RBM47: variants seen among roughly 807,000 people sequenced by gnomAD.
The protein encoded by RBM47 is RNA binding motif protein 47, also known as RNA-binding protein 47.
In RBM47, 21 loss-of-function variants were observed where a neutral mutation model predicts 47.1. That is an observed-to-expected ratio of 0.45 (90% CI 0.32 to 0.64). The LOEUF (loss-of-function observed/expected upper bound fraction) is 0.64. RBM47 is among the 30% of genes least tolerant of loss of function. RBM47 has a pLI of 0.05. For synonymous variants in RBM47, 375 were observed against 361.7 expected (o/e 1.04, Z -0.42); for missense variants, 708 against 870.9 (o/e 0.81, Z 2.35).
At chr4:40,532,760 C>T (rs1727540456) in intron 2 of RBM47, among the ~76,000 whole-genome samples, 1 of 151,406 alleles carries the variant, frequency 6.6e-6, no homozygotes, top group African/African-American at 2.4e-5. Flanking sequence ...TTTTGAGACC[C>T]CCTTCAACTA....
intron 2 of RBM47, among the ~76,000 whole-genome samples, chr4:40,526,850 A>T (rs572651457): frequency 8.1e-6 from 1 of 123,030 alleles, no homozygotes; most frequent in Admixed American, 1.1e-4. Flanking sequence ...ACCATTAGCT[A>T]GAGGGCCACA....
At chr4:40,597,155 G>A (rs966815149) in intron 1 of RBM47, among the ~76,000 whole-genome samples, 1 of 152,142 alleles carries the variant, frequency 6.6e-6, no homozygotes, top group Non-Finnish European at 1.5e-5. Flanking sequence ...GGCTACTTGG[G>A]AGACTGAGGC....
intron 1 of RBM47, among the ~76,000 whole-genome samples, chr4:40,602,347 A>G (rs1033718560): frequency 6.6e-6 from 1 of 152,022 alleles, no homozygotes; most frequent in Non-Finnish European, 1.5e-5. Context: ...TATTACTTTT[A>G]GAGCCAAAAC....
At chr4:40,612,593 C>G (rs1430189590) in intron 1 of RBM47, among the ~76,000 whole-genome samples, 1 of 152,204 alleles carries the variant, frequency 6.6e-6, no homozygotes, top group Non-Finnish European at 1.5e-5. Flanking sequence ...TCTGCAGAAA[C>G]TAGGATGAGC....
intron 3 of RBM47, among the ~76,000 whole-genome samples, chr4:40,465,382 G>A (rs381645): frequency 0.68 from 102,650 of 151,680 alleles, 34,900 homozygotes; most frequent in Middle Eastern, 0.73. Context: ...TCAGCTCAGC[G>A]GGGCACTGTG....
chr4:40,577,780 A>G (rs930020120), intron 1 of RBM47, among the ~76,000 whole-genome samples: 7 of 152,152 alleles, frequency 4.6e-5, no homozygotes, highest in African/African-American at 1.7e-4. Flanking sequence ...ACTTCAGCAC[A>G]TATCTCAAGA....
chr4:40,538,320 T>C (rs1728173221), intron 2 of RBM47, among the ~76,000 whole-genome samples: 1 of 143,380 alleles, frequency 7.0e-6, no homozygotes, highest in South Asian at 2.1e-4. Flanking sequence ...TGCTCTTTTA[T>C]TGGTATTGTT....
At chr4:40,588,335 T>G (rs1733791044) in intron 1 of RBM47, among the ~76,000 whole-genome samples, 1 of 152,128 alleles carries the variant, frequency 6.6e-6, no homozygotes, top group South Asian at 2.1e-4. Context: ...CCTGGGCCAG[T>G]TTCCCTTTCA....
chr4:40,551,176 A>G (rs1289523065), intron 1 of RBM47, among the ~76,000 whole-genome samples: 2 of 152,192 alleles, frequency 1.3e-5, no homozygotes, highest in African/African-American at 4.8e-5. Flanking sequence ...GTATACACAC[A>G]TCACTATGGG....
rs117955140 is a variant in RBM47, at chr4:40,532,889, G to A, written c.-155+11533C>T. Among the ~76,000 whole-genome samples the A allele has an allele frequency of 2.2e-4, 34 of 152,114 alleles. No individual in the cohort carries two copies. In the East Asian group the frequency reaches 4.1e-3, roughly 18 times the overall value. ...CTATACCAGTAGCTTATAGCCTCTTGCAATCTGCAAAATTTTAGGGGTAGA... is the reference window on the plus strand; with the variant it reads ...CTATACCAGTAGCTTATAGCCTCTTACAATCTGCAAAATTTTAGGGGTAGA... On this transcript the variant is annotated intron_variant, in intron 2 of 6. Transcript: ENST00000295971.
intron 1 of RBM47, among the ~76,000 whole-genome samples, chr4:40,584,634 T>C (rs1733356813): frequency 6.6e-6 from 1 of 152,168 alleles, no homozygotes; most frequent in Non-Finnish European, 1.5e-5. Flanking sequence ...ATGTATTGCA[T>C]AAAATTTACA....
intron 1 of RBM47, among the ~76,000 whole-genome samples, chr4:40,581,454 A>AAATAAAT (rs1553904696): frequency 1.3e-5 from 2 of 148,328 alleles, no homozygotes; most frequent in Non-Finnish European, 3.0e-5. Context: ...ATAAATAAAT[A>AAATAAAT]AATAAATAAA....
At chr4:40,462,462 C>T (rs754824006) in intron 3 of RBM47, among the ~76,000 whole-genome samples, 24 of 152,274 alleles carry the variant, frequency 1.6e-4, no homozygotes, top group South Asian at 1.5e-3. Context: ...CCCACATGCA[C>T]GTTTTTTTCT....
chr4:40,555,430 T>G (rs1274270380), intron 1 of RBM47, among the ~76,000 whole-genome samples: 1 of 152,240 alleles, frequency 6.6e-6, no homozygotes. Flanking sequence ...TGTCTGAGTG[T>G]CCATTCGCTC....
intron 3 of RBM47, among the ~76,000 whole-genome samples, chr4:40,445,675 G>A (rs1286607653): frequency 1.3e-5 from 2 of 152,186 alleles, no homozygotes; most frequent in Non-Finnish European, 2.9e-5. Context: ...TGCTTCAAAA[G>A]GGTCATACAC....
At chr4:40,434,005 GTGTGTGTGTGTGT>G (rs1711852972) in intron 5 of RBM47, among the ~76,000 whole-genome samples, 2 of 66,004 alleles carry the variant, frequency 3.0e-5, no homozygotes, top group Non-Finnish European at 5.7e-5. Context: ...GGGCGGGGGT[GTGTGTGTGTGTGT>G]GTGTGTGTGT....
At chr4:40,599,189 C>T (rs149766025) in intron 1 of RBM47, among the ~76,000 whole-genome samples, 1,489 of 141,166 alleles carry the variant, frequency 0.011, 33 homozygotes, top group African/African-American at 0.037. Context: ...ACCCAGGAGG[C>T]GGAGGTTGCA....
At chr4:40,629,075 C>T (rs1371713456) in intron 1 of RBM47, among the ~76,000 whole-genome samples, 2 of 152,086 alleles carry the variant, frequency 1.3e-5, no homozygotes, top group East Asian at 3.9e-4. Context: ...GTCACCTGTG[C>T]TTCTGGGCGG....
intron 3 of RBM47, 126 bp from the exon 4 acceptor site, chr4:40,439,050 T>TAGG (rs1450960736): frequency 9.8e-6 from 8 of 814,756 alleles, no homozygotes; most frequent in Admixed American, 6.0e-5. Flanking sequence ...AAATGAGAAA[T>TAGG]AGGATGGAGG....
Sources: gnomAD v4.1 joint callset for allele counts (sites outside exome capture counted in the v4.1 genomes callset) on GRCh38, gnomAD v4.1.1 for gene constraint, MANE v1.5 for transcripts, NCBI Gene and HGNC (gene_info 2026-07-23, HGNC 2026-07-21) for gene names.